The following ADORA2B variants were observed in gnomAD, a reference collection of about 807,000 sequenced individuals.
ADORA2B encodes adenosine A2b receptor, also known as adenosine receptor A2b.
Under a neutral mutation model 20.8 loss-of-function variants are expected in ADORA2B, and 18 were observed. The ratio of observed to expected loss-of-function variants is 0.87; its 90% CI spans 0.60 to 1.29. The LOEUF is 1.29. ADORA2B is among the 50% of genes most tolerant of loss of function. ADORA2B has a pLI of 0.00. For missense variants in ADORA2B, 441 were observed against 422.7 expected, an observed-to-expected ratio of 1.04 and a Z score of -0.38; for synonymous variants, 179 against 178.3, an observed-to-expected ratio of 1.00 and a Z score of -0.03.
At chr17:15,875,194 C>T in the ADORA2B span, among the ~76,000 whole-genome samples, 1 of 152,196 alleles carries the variant, frequency 6.6e-6, no homozygotes, top group South Asian at 2.1e-4. Context: ...TGCAGAGATC[C>T]TGATGAGCAA....
At chr17:15,872,415 T>C in the ADORA2B span, among the ~76,000 whole-genome samples, 20 of 152,224 alleles carry the variant, frequency 1.3e-4, no homozygotes, top group African/African-American at 4.8e-4. Context: ...TCCATATGAA[T>C]TTTGGGATTG....
At chr17:15,868,302 T>G in the ADORA2B span, among the ~76,000 whole-genome samples, 2 of 135,182 alleles carry the variant, frequency 1.5e-5, 1 homozygote, top group South Asian at 4.7e-4. Flanking sequence ...CTGTTGACCT[T>G]CCCTCCACTA....
chr17:15,955,184 G>C (rs1969951535), intron 1 of ADORA2B, among the ~76,000 whole-genome samples: 1 of 152,046 alleles, frequency 6.6e-6, no homozygotes, highest in African/African-American at 2.4e-5. Flanking sequence ...TGAAAATACA[G>C]TATTTGCGGG....
the ADORA2B span, among the ~76,000 whole-genome samples, chr17:15,889,826 A>T: frequency 1.5e-5 from 2 of 129,818 alleles, 1 homozygote; most frequent in African/African-American, 6.6e-5. Flanking sequence ...TGAACCTGGG[A>T]GGTAGAGGAT....
At chr17:15,945,648 C>T (rs1011681846) in intron 1 of ADORA2B, 65 bp downstream of exon 1, 17 of 1,391,824 alleles carry the variant, frequency 1.2e-5, no homozygotes, top group Non-Finnish European at 1.2e-5. Context: ...TCGTCTTCTC[C>T]AGGCCGGGGT....
At chr17:15,953,738 C>T (rs926705145) in intron 1 of ADORA2B, among the ~76,000 whole-genome samples, 4 of 152,238 alleles carry the variant, frequency 2.6e-5, no homozygotes, top group Non-Finnish European at 1.5e-5. Context: ...GTGAGCCGCG[C>T]TGTTACTGTG....
chr17:15,941,477 C>T (rs980828047), upstream of ADORA2B, among the ~76,000 whole-genome samples: 8 of 152,094 alleles, frequency 5.3e-5, no homozygotes, highest in Admixed American at 1.3e-4. Context: ...CTTGTAATCC[C>T]GGCACTTTGG....
the ADORA2B span, among the ~76,000 whole-genome samples, chr17:15,896,676 T>A: frequency 1.3e-5 from 2 of 152,198 alleles, no homozygotes; most frequent in Non-Finnish European, 2.9e-5. Flanking sequence ...GAGTGTCTCC[T>A]CTCCATGCTC....
chr17:15,861,553 T>G, the ADORA2B span, among the ~76,000 whole-genome samples: 1 of 152,228 alleles, frequency 6.6e-6, no homozygotes, highest in East Asian at 1.9e-4. Context: ...ACAGTGAGAT[T>G]GGACCCATAT....
the ADORA2B span, among the ~76,000 whole-genome samples, chr17:15,925,181 G>T: frequency 1.3e-5 from 2 of 152,026 alleles, no homozygotes; most frequent in African/African-American, 2.4e-5. Flanking sequence ...GATTATAGGC[G>T]CCTGCCACCA....
chr17:15,878,988 T>A, the ADORA2B span, among the ~76,000 whole-genome samples: 3 of 152,192 alleles, frequency 2.0e-5, no homozygotes, highest in African/African-American at 7.2e-5. Context: ...TTATGGTTAA[T>A]ATTTAATATG....
chr17:15,939,274 C>G, the ADORA2B span, among the ~76,000 whole-genome samples: 342 of 152,178 alleles, frequency 2.2e-3, 1 homozygote, highest in Non-Finnish European at 3.7e-3. Context: ...AACTCCTGAC[C>G]TTGTGATCCT....
At chr17:15,973,337 C>T (rs1432242933) in intron 1 of ADORA2B, among the ~76,000 whole-genome samples, 1 of 152,148 alleles carries the variant, frequency 6.6e-6, no homozygotes, top group African/African-American at 2.4e-5. Context: ...TGTTTCATAC[C>T]ACATATATCT....
the ADORA2B span, among the ~76,000 whole-genome samples, chr17:15,873,300 C>G: frequency 3.9e-5 from 6 of 152,120 alleles, no homozygotes; most frequent in Admixed American, 6.5e-5. Flanking sequence ...TTTCAGAAGA[C>G]AATTTGGAAA....
At chr17:15,899,550 G>A in the ADORA2B span, among the ~76,000 whole-genome samples, 3 of 152,164 alleles carry the variant, frequency 2.0e-5, no homozygotes, top group Non-Finnish European at 4.4e-5. Flanking sequence ...TCTTACCCAG[G>A]TAGTGAGTAT....
the ADORA2B span, among the ~76,000 whole-genome samples, chr17:15,873,456 A>C: frequency 1.3e-5 from 2 of 152,128 alleles, no homozygotes; most frequent in African/African-American, 2.4e-5. Flanking sequence ...TAAACAGACA[A>C]CCCACAGAAT....
In ADORA2B at chr17:15,945,341, G is replaced by A; in HGVS notation, c.93G>A (p.Ala31=). 1.2e-6 allele frequency: 2 copies of A among 1,605,670 alleles called. No homozygotes were observed. Among genetic ancestry groups the A allele is most frequent in the Middle Eastern group, 1.7e-4 (1 of 6,056 alleles). ...CGGGCAACGTGCTGGTGTGCGCCGC[G>A]GTGGGCACGGCGAACACTCTGCAGA... The part of the protein sequence containing the change: ...SVAGNVLVCA[A]VGTANTLQTP... Residue 31 remains alanine (A), a synonymous_variant, in exon 1 of 2, where the codon GCG becomes GCA. Coordinates refer to ENST00000304222, the MANE Select transcript of ADORA2B (RefSeq NM_000676.4).
the ADORA2B span, among the ~76,000 whole-genome samples, chr17:15,937,709 A>G: frequency 1.3e-5 from 2 of 151,786 alleles, no homozygotes; most frequent in African/African-American, 4.8e-5. Context: ...AGTAGTTGGG[A>G]CTACAGGCGT....
chr17:15,874,094 A>G, the ADORA2B span, among the ~76,000 whole-genome samples: 1 of 136,574 alleles, frequency 7.3e-6, no homozygotes, highest in Admixed American at 7.4e-5. Context: ...ATATATATGT[A>G]TACACACACA....
Sources: gnomAD v4.1 joint callset for allele counts (sites outside exome capture counted in the v4.1 genomes callset) on GRCh38, gnomAD v4.1.1 for gene constraint, MANE v1.5 for transcripts, NCBI Gene and HGNC (gene_info 2026-07-23, HGNC 2026-07-21) for gene names.